Variants in ELFN1 observed in about 807,000 individuals in gnomAD.
ELFN1 encodes extracellular leucine rich repeat and fibronectin type III domain containing 1, also known as protein ELFN1.
In ELFN1, 6 loss-of-function variants were observed where a neutral mutation model predicts 7.6. The observed-to-expected ratio is 0.79, with a 90% CI of 0.43 to 1.56. The LOEUF (loss-of-function observed/expected upper bound fraction) is 1.56, where lower values mean the gene tolerates loss of function less well. Ranked by LOEUF, ELFN1 falls within the 40% of genes most tolerant of loss-of-function variation. The pLI, the probability that ELFN1 is intolerant of heterozygous loss-of-function variation, is 0.01. For missense variants in ELFN1, 1,169 were observed against 1,232.2 expected, an observed-to-expected ratio of 0.95 and a Z score of 0.77; for synonymous variants, 657 against 588.1, an observed-to-expected ratio of 1.12 and a Z score of -1.70.
rs986680532 is a variant in ELFN1, at chr7:1,735,377, C to T, written c.-293-8927C>T. Among the ~76,000 whole-genome samples the T allele has an allele frequency of 6.6e-6, 1 of 152,034 alleles. No individual in the cohort carries two copies. Among genetic ancestry groups the T allele is most frequent in the South Asian group, 2.1e-4 (1 of 4,820 alleles). On this transcript the variant is annotated intron_variant, in intron 3 of 3. Coordinates refer to ENST00000424383, the MANE Select transcript of ELFN1 (RefSeq NM_001128636.4). The surrounding 1 kb of genome is among the most constrained non-coding windows in gnomAD (Gnocchi z 5.9). ...CCCCTTGACCTTCCCCAGCACTCAC[C>T]GAGTCCTCACACAGTGGGGACGTGG...
chr7:1,710,297 C>G (rs1345871917), intron 3 of ELFN1, among the ~76,000 whole-genome samples: 2 of 152,202 alleles, frequency 1.3e-5, no homozygotes, highest in Non-Finnish European at 2.9e-5. Flanking sequence ...TGTCTAGAAC[C>G]TCCCAAGGCT....
chr7:1,733,461 C>T (rs1462073891), intron 3 of ELFN1, among the ~76,000 whole-genome samples: 2 of 152,060 alleles, frequency 1.3e-5, no homozygotes, highest in African/African-American at 4.8e-5. Flanking sequence ...GTAATTGTCT[C>T]GTGGTGTTAT....
In ELFN1 at chr7:1,723,202, A is replaced by T. The variant is rs187928789; in HGVS notation, c.-294+13950A>T. Among the ~76,000 whole-genome samples, 456 of 152,152 alleles carry T rather than the reference A, an allele frequency of 3.0e-3. 2 individuals are homozygous for T. The highest frequency in any genetic ancestry group is 0.01 in the African/African-American group (429 of 41,484). ...AGAGTGAAACTCCATCTCAAAAAAA[A>T]TTTTTTTTCATAGTGGTCAAATATA... On this transcript the variant is annotated intron_variant, in intron 3 of 3. Coordinates refer to ENST00000424383, the MANE Select transcript of ELFN1 (RefSeq NM_001128636.4).
At position 1,695,591 on chromosome 7, in the gene ELFN1, A is replaced by G. The variant is rs925953546; in HGVS notation, c.-456+7441A>G. On this transcript the variant is annotated intron_variant, in intron 2 of 3. Transcript: ENST00000424383. The surrounding 1 kb of genome is among the most constrained non-coding windows in gnomAD (Gnocchi z 5.1). Reference sequence around the variant, plus strand: ...AGAAACCCCGTCTCTACTAAAAAATACAAAAATTAGCCGGGCGTTGTGGTG... The same window carrying G: ...AGAAACCCCGTCTCTACTAAAAAATGCAAAAATTAGCCGGGCGTTGTGGTG... Among the ~76,000 whole-genome samples, 3 of 151,970 alleles carry G rather than the reference A, an allele frequency of 2.0e-5. No individual in the cohort carries two copies. The highest frequency in any genetic ancestry group is 7.2e-5 in the African/African-American group (3 of 41,380).
rs147268162 is a variant in ELFN1, at chr7:1,740,055, C to G, written c.-293-4249C>G. ...GACCCGTGGCCACCCTGTTGGACAG[C>G]GCAAGTACAGAACCTCTGTGCATCC... On this transcript the variant is annotated intron_variant, in intron 3 of 3. Coordinates refer to ENST00000424383, the MANE Select transcript of ELFN1 (RefSeq NM_001128636.4). The surrounding 1 kb of genome is among the most constrained non-coding windows in gnomAD (Gnocchi z 5.0). Among the ~76,000 whole-genome samples, 6 of 152,156 alleles carry G rather than the reference C, an allele frequency of 3.9e-5. No homozygotes were observed. Among genetic ancestry groups the G allele is most frequent in the African/African-American group, 1.4e-4 (6 of 41,424 alleles).
At chr7:1,666,234 G>A (rs1482506574), upstream of ELFN1, among the ~76,000 whole-genome samples, 2 of 151,986 alleles carry the variant, frequency 1.3e-5, no homozygotes, top group African/African-American at 4.8e-5. This position sits in a 1 kb window ranked among gnomAD's most constrained non-coding sequence, Gnocchi z 7.9. Context: ...TCGCCGCTGC[G>A]GGATCGGAGG....
intron 1 of ELFN1, among the ~76,000 whole-genome samples, chr7:1,681,422 G>T (rs1778973613): frequency 6.6e-6 from 1 of 152,108 alleles, no homozygotes. Context: ...GAGTGCACTG[G>T]CTTAATCTTG....
intron 1 of ELFN1, among the ~76,000 whole-genome samples, chr7:1,687,324 A>T (rs1033397490): frequency 6.6e-6 from 1 of 151,710 alleles, no homozygotes; most frequent in Non-Finnish European, 1.5e-5. Context: ...TCACTATTCT[A>T]TGCCAGAATT....
chr7:1,720,824 C>T (rs1779999209), intron 3 of ELFN1, among the ~76,000 whole-genome samples: 1 of 148,068 alleles, frequency 6.8e-6, no homozygotes, highest in South Asian at 2.1e-4. Context: ...GTATTATCGT[C>T]TGAAGTAACG....
At position 1,747,296 on chromosome 7, in the gene ELFN1, A is replaced by C; in HGVS notation, c.*213A>C. 3.1e-6 allele frequency: 1 copy of C among 324,842 alleles called. No homozygotes were observed. Among genetic ancestry groups the C allele is most frequent in the Non-Finnish European group, 5.2e-6 (1 of 191,152 alleles). 20.1% of individuals were successfully genotyped at this position (324,842 alleles called of 1,614,324 possible). ...GGATGCGCTTGTCGCCCCGGGTGGC[A>C]CGTGTCCACACACACACACACACAC... On this transcript the variant is annotated 3_prime_UTR_variant, in exon 4 of 4. Coordinates refer to ENST00000424383, the MANE Select transcript of ELFN1 (RefSeq NM_001128636.4).
chr7:1,673,758 G>A lies in ELFN1; in HGVS notation c.-549+3404G>A, dbSNP rs957520778. On this transcript the variant is annotated intron_variant, in intron 1 of 3. Coordinates refer to ENST00000424383, the MANE Select transcript of ELFN1 (RefSeq NM_001128636.4). The surrounding 1 kb of genome is among the most constrained non-coding windows in gnomAD (Gnocchi z 4.7). The stretch of plus-strand genomic sequence containing the variant: ...GCCTCCTTTCCCTCGGAGATCAGCC[G>A]GTCCAGCCCCTGAAGATGGTCCAGC... 1.3e-5 allele frequency among the ~76,000 whole-genome samples: 2 copies of A among 151,286 alleles called. No homozygotes were observed. Among genetic ancestry groups the A allele is most frequent in the South Asian group, 2.1e-4 (1 of 4,828 alleles).
chr7:1,708,389 G>C (rs117210430), intron 2 of ELFN1, among the ~76,000 whole-genome samples: 1 of 152,190 alleles, frequency 6.6e-6, no homozygotes, highest in Non-Finnish European at 1.5e-5. Context: ...ACCTGTGGGC[G>C]GCATAGTTCA....
chr7:1,670,153 A>AGGAG (rs1003811532), upstream of ELFN1, among the ~76,000 whole-genome samples: 86 of 51,246 alleles, frequency 1.7e-3, 1 homozygote, highest in African/African-American at 4.5e-3. The surrounding 1 kb of genome is among the most constrained non-coding windows in gnomAD (Gnocchi z 6.4). Context: ...GAGGGAGAGA[A>AGGAG]GGAGGGAGGG....
chr7:1,675,115 G>T (rs1778843982), intron 1 of ELFN1, among the ~76,000 whole-genome samples: 1 of 97,962 alleles, frequency 1.0e-5, no homozygotes, highest in South Asian at 2.9e-4. Flanking sequence ...AGGTGAACCA[G>T]CTTGTCTGGG....
At position 1,746,486 on chromosome 7, in the gene ELFN1, G is replaced by A; in HGVS notation, c.1890G>A (p.Val630=). ...ACAGCCTGCAGCGGCACCACAGCGT[G>A]GAGGCCGCCGGGCCCCCTCGTGCCA... ...FGHSLQRHHS[V]EAAGPPRAST... Residue 630 remains valine, a synonymous_variant, in exon 4 of 4, where the codon GTG becomes GTA. Coordinates refer to ENST00000424383, the MANE Select transcript of ELFN1 (RefSeq NM_001128636.4). 6.7e-7 allele frequency: 1 copy of A among 1,501,552 alleles called. No homozygotes were observed. The highest frequency in any genetic ancestry group is 8.8e-7 in the Non-Finnish European group (1 of 1,132,906). 93.0% of individuals were successfully genotyped at this position (1,501,552 alleles called of 1,614,324 possible).
intron 3 of ELFN1, among the ~76,000 whole-genome samples, chr7:1,720,844 TAGTG>T (rs1178143899): frequency 4.0e-5 from 6 of 149,698 alleles, no homozygotes; most frequent in East Asian, 4.0e-4. Context: ...GATTACTAAA[TAGTG>T]AGCATTAACT....
intron 1 of ELFN1, among the ~76,000 whole-genome samples, chr7:1,686,997 C>T (rs1200512510): frequency 6.6e-6 from 1 of 152,076 alleles, no homozygotes; most frequent in Admixed American, 6.5e-5. Context: ...ACTGACAGCA[C>T]TTCTGCCAGA....
At chr7:1,681,011 G>A (rs1349281935) in intron 1 of ELFN1, among the ~76,000 whole-genome samples, 2 of 152,146 alleles carry the variant, frequency 1.3e-5, no homozygotes, top group Non-Finnish European at 2.9e-5. Flanking sequence ...CAAAGTGCTG[G>A]GATTACAGGC....
chr7:1,675,787 G>A (rs1021399580), intron 1 of ELFN1, among the ~76,000 whole-genome samples: 1 of 152,214 alleles, frequency 6.6e-6, no homozygotes, highest in Non-Finnish European at 1.5e-5. Flanking sequence ...ACAGTCCCGC[G>A]CTGTCGAGAC....
Sources: allele counts gnomAD v4.1 joint callset (sites outside exome capture counted in the v4.1 genomes callset), GRCh38; gene constraint gnomAD v4.1.1; non-coding constraint Gnocchi (gnomAD v3.1); transcripts MANE v1.5; gene names NCBI Gene and HGNC (gene_info 2026-07-23, HGNC 2026-07-21).